PDGFD: variants seen among roughly 807,000 people sequenced by gnomAD.
PDGFD encodes the protein platelet derived growth factor D, also known as platelet-derived growth factor D.
Under a neutral mutation model 44.7 loss-of-function variants are expected in PDGFD, and 30 were observed. The observed-to-expected ratio is 0.67, with a 90% CI of 0.50 to 0.91. The LOEUF (loss-of-function observed/expected upper bound fraction) is 0.91. Among genes scored for constraint, PDGFD ranks in the 40% least tolerant of loss-of-function variants. PDGFD has a pLI of 0.00. For synonymous variants in PDGFD, 173 were observed against 168.4 expected, an observed-to-expected ratio of 1.03 and a Z score of -0.21; for missense variants, 445 against 457.8, an observed-to-expected ratio of 0.97 and a Z score of 0.25.
intron 1 of PDGFD, among the ~76,000 whole-genome samples, chr11:104,075,977 T>C (rs755823373): frequency 6.6e-6 from 1 of 152,230 alleles, no homozygotes. Flanking sequence ...GTAATACCCA[T>C]GATCTCTGTA....
chr11:104,113,159 A>G (rs1861585700), intron 1 of PDGFD, among the ~76,000 whole-genome samples: 1 of 152,182 alleles, frequency 6.6e-6, no homozygotes, highest in African/African-American at 2.4e-5. Context: ...TGCCTATACC[A>G]AAGATTACAT....
chr11:104,017,808 C>T (rs1357271257), intron 1 of PDGFD, among the ~76,000 whole-genome samples: 3 of 152,100 alleles, frequency 2.0e-5, no homozygotes, highest in Admixed American at 6.6e-5. Flanking sequence ...ACATTAGAGA[C>T]TTGGAGAAAG....
intron 6 of PDGFD, among the ~76,000 whole-genome samples, chr11:103,915,522 T>C (rs969547229): frequency 1.3e-5 from 2 of 152,116 alleles, no homozygotes; most frequent in Non-Finnish European, 1.5e-5. Context: ...CTGCCCAAAG[T>C]AAATTATAGA....
intron 1 of PDGFD, among the ~76,000 whole-genome samples, chr11:104,127,255 T>C (rs1198047530): frequency 6.6e-6 from 1 of 152,100 alleles, no homozygotes; most frequent in Non-Finnish European, 1.5e-5. Flanking sequence ...TTGCTGCACA[T>C]TGGAATTGCC....
chr11:104,039,707 TAA>T (rs1309633399), intron 1 of PDGFD, among the ~76,000 whole-genome samples: 1 of 148,666 alleles, frequency 6.7e-6, no homozygotes, highest in East Asian at 2.0e-4. Context: ...ACATTCAGAG[TAA>T]AGTCAGGGAT....
At chr11:103,987,755 T>C (rs1413990125) in intron 3 of PDGFD, among the ~76,000 whole-genome samples, 1 of 152,190 alleles carries the variant, frequency 6.6e-6, no homozygotes, top group Non-Finnish European at 1.5e-5. Flanking sequence ...TGCAACACTC[T>C]GAATTAACTC....
chr11:103,935,695 A>G (rs1858478023), intron 5 of PDGFD, among the ~76,000 whole-genome samples: 1 of 152,212 alleles, frequency 6.6e-6, no homozygotes, highest in South Asian at 2.1e-4. Context: ...CAGCAGAGCA[A>G]TTAATAGAAA....
chr11:103,965,726 T>C (rs987711708), intron 3 of PDGFD, among the ~76,000 whole-genome samples: 2 of 152,186 alleles, frequency 1.3e-5, no homozygotes, highest in African/African-American at 2.4e-5. Context: ...GATCTGAATG[T>C]GCAATTCATT....
chr11:104,116,379 A>G (rs1350083573), intron 1 of PDGFD, among the ~76,000 whole-genome samples: 3 of 152,120 alleles, frequency 2.0e-5, no homozygotes, highest in Non-Finnish European at 2.9e-5. Flanking sequence ...ATTCTGTTCC[A>G]TTGGTCTATG....
chr11:103,948,056 T>C (rs1418576460), intron 3 of PDGFD, among the ~76,000 whole-genome samples: 1 of 152,236 alleles, frequency 6.6e-6, no homozygotes, highest in African/African-American at 2.4e-5. Context: ...TATGGAATCC[T>C]TACATTATAG....
intron 1 of PDGFD, among the ~76,000 whole-genome samples, chr11:104,147,507 A>C (rs1591186582): frequency 6.6e-6 from 1 of 152,198 alleles, no homozygotes; most frequent in Non-Finnish European, 1.5e-5. Flanking sequence ...CTCATTTAAC[A>C]AAAGTAAGAA....
chr11:104,126,060 T>G (rs950746159), intron 1 of PDGFD, among the ~76,000 whole-genome samples: 2 of 151,906 alleles, frequency 1.3e-5, no homozygotes, highest in Admixed American at 1.3e-4. Context: ...GGAAATCCTT[T>G]CCTGCCACTC....
At chr11:103,970,960 A>C (rs1478143525) in intron 3 of PDGFD, among the ~76,000 whole-genome samples, 1 of 152,186 alleles carries the variant, frequency 6.6e-6, no homozygotes, top group African/African-American at 2.4e-5. Flanking sequence ...AAAGTATTCA[A>C]AGATATACCT....
At chr11:104,065,381 T>C (rs559181135) in intron 1 of PDGFD, among the ~76,000 whole-genome samples, 2 of 152,316 alleles carry the variant, frequency 1.3e-5, no homozygotes, top group East Asian at 3.9e-4. Context: ...CAACAAACTA[T>C]CACTCTAACC....
intron 1 of PDGFD, among the ~76,000 whole-genome samples, chr11:104,109,218 A>G (rs1861515270): frequency 6.6e-6 from 1 of 152,138 alleles, no homozygotes; most frequent in Non-Finnish European, 1.5e-5. Flanking sequence ...AAAAGAATGC[A>G]TAACTAACAT....
intron 1 of PDGFD, among the ~76,000 whole-genome samples, chr11:104,090,628 CAA>C (rs66464259): frequency 0.7 from 94,376 of 134,790 alleles, 32,521 homozygotes; most frequent in East Asian, 0.94. Flanking sequence ...GACCCTGTCT[CAA>C]AAAAAAAAAA....
intron 1 of PDGFD, among the ~76,000 whole-genome samples, chr11:104,029,998 A>T (rs890155921): frequency 6.6e-6 from 1 of 152,204 alleles, no homozygotes; most frequent in Non-Finnish European, 1.5e-5. Context: ...CAAGTGGAAA[A>T]TTCCACACCT....
chr11:104,092,685 T>C (rs1322382174), intron 1 of PDGFD, among the ~76,000 whole-genome samples: 1 of 152,188 alleles, frequency 6.6e-6, no homozygotes, highest in Non-Finnish European at 1.5e-5. Flanking sequence ...TAAGTAATTA[T>C]CATAATTTTG....
chr11:103,961,596 G>A (rs1858936316), intron 3 of PDGFD, among the ~76,000 whole-genome samples: 1 of 152,096 alleles, frequency 6.6e-6, no homozygotes, highest in South Asian at 2.1e-4. Context: ...GACAAAGAAG[G>A]TACAAGACAA....
Sources: allele counts gnomAD v4.1 joint callset (sites outside exome capture counted in the v4.1 genomes callset), GRCh38; gene constraint gnomAD v4.1.1; transcripts MANE v1.5; gene names NCBI Gene and HGNC (gene_info 2026-07-23, HGNC 2026-07-21).